The following MIA2 variants were observed in gnomAD, a reference collection of about 807,000 sequenced individuals.
The protein encoded by MIA2 is MIA SH3 domain ER export factor 2, also known as melanoma inhibitory activity protein 2.
In MIA2, 127 loss-of-function variants were observed where a neutral mutation model predicts 167.8. The ratio of observed to expected loss-of-function variants is 0.76; its 90% CI spans 0.66 to 0.88. MIA2 has a LOEUF of 0.88. Ranked by LOEUF, MIA2 falls within the 40% of genes least tolerant of loss-of-function variation. The pLI, the probability that MIA2 is intolerant of heterozygous loss-of-function variation, is 0.00. For missense variants in MIA2, 1,690 were observed against 1,624.7 expected (o/e 1.04, Z -0.69); for synonymous variants, 552 against 541.9 (o/e 1.02, Z -0.26).
intron 19 of MIA2, among the ~76,000 whole-genome samples, chr14:39,313,678 T>C (rs1482368786): frequency 6.6e-6 from 1 of 152,194 alleles, no homozygotes; most frequent in Non-Finnish European, 1.5e-5. Flanking sequence ...TTGTGTGATT[T>C]TTAAAATCTC....
chr14:39,252,608 G>C, intron 4 of MIA2, 140 bp from the exon 5 acceptor site: 1 of 619,124 alleles, frequency 1.6e-6, no homozygotes, highest in South Asian at 2.0e-5. Context: ...TACAATTTAT[G>C]TTTTAGTGTG....
chr14:39,349,003 A>T, intron 28 of MIA2, 26 bp downstream of exon 28: 1 of 1,587,792 alleles, frequency 6.3e-7, no homozygotes, highest in Non-Finnish European at 8.6e-7. Context: ...CTTTTTTTTT[A>T]AAGCTCAATA....
intron 25 of MIA2, among the ~76,000 whole-genome samples, chr14:39,332,858 C>G (rs773874868): frequency 1.8e-4 from 27 of 152,036 alleles, no homozygotes; most frequent in African/African-American, 3.6e-4. Flanking sequence ...CGGAGCTGTT[C>G]CTATTTCGAC....
rs575576218 is a variant in MIA2 at position 39,304,612 on chromosome 14, T to A, written c.2878+231T>A. Among the ~76,000 whole-genome samples, 460 of 152,256 alleles carry A rather than the reference T, an allele frequency of 3.0e-3. 2 individuals are homozygous for A. The highest frequency in any genetic ancestry group is 5.7e-3 in the African/African-American group (235 of 41,570). ...GTGAAGTTAAAATAAGGAAATTTTT[T>A]AAAAAACATGTAAAACCGTATTTAT... is the stretch of plus-strand genomic sequence containing the variant. On this transcript the variant is annotated intron_variant, in intron 17 of 28. Transcript: ENST00000640607.
In MIA2 at chr14:39,247,406, C is replaced by G. The variant is rs921906573; in HGVS notation, c.832C>G (p.Gln278Glu). 6.2e-7 allele frequency: 1 copy of G among 1,614,046 alleles called. No homozygotes were observed. Among genetic ancestry groups the G allele is most frequent in the Non-Finnish European group, 8.5e-7 (1 of 1,180,014 alleles). Residue 278 changes from glutamine (Q) to glutamate (E), a missense_variant, in exon 4 of 29, where the codon CAA becomes GAA. By Grantham distance (29) the Gln-to-Glu change is conservative. Transcript: ENST00000640607. ...NNGEPQTEHQ[Q>E]ESESEIDSVP... ...TGGTGAGCCTCAAACAGAACATCAG[C>G]AAGAATCTGAATCAGAAATTGATTC... is the stretch of plus-strand genomic sequence containing the variant.
chr14:39,325,173 A>G (rs1397553968), intron 24 of MIA2, among the ~76,000 whole-genome samples: 1 of 151,850 alleles, frequency 6.6e-6, no homozygotes, highest in Non-Finnish European at 1.5e-5. Context: ...CAGTGAGCTG[A>G]GAATCGCACC....
At chr14:39,264,180 A>T (rs1398165181) in intron 6 of MIA2, among the ~76,000 whole-genome samples, 1 of 152,156 alleles carries the variant, frequency 6.6e-6, no homozygotes, top group Non-Finnish European at 1.5e-5. Flanking sequence ...GCTGCCACTT[A>T]TAAGTGAGAA....
intron 25 of MIA2, among the ~76,000 whole-genome samples, chr14:39,330,935 T>C (rs1048541078): frequency 6.6e-6 from 1 of 152,174 alleles, no homozygotes; most frequent in African/African-American, 2.4e-5. Context: ...ATGTATATTT[T>C]GTTGATTTGG....
At chr14:39,293,871 C>G in intron 11 of MIA2, 129 bp from the exon 12 acceptor site, 2 of 696,666 alleles carry the variant, frequency 2.9e-6, no homozygotes, top group Non-Finnish European at 5.0e-6. Flanking sequence ...GCTAAATAAA[C>G]TGAGAAGGTT....
At chr14:39,335,160 T>TGTAA (rs1343861008) in intron 25 of MIA2, among the ~76,000 whole-genome samples, 1 of 152,192 alleles carries the variant, frequency 6.6e-6, no homozygotes, top group African/African-American at 2.4e-5. Context: ...CTCTCTTTTA[T>TGTAA]GTAAGGTTGA....
Position 39,300,951 on chromosome 14 carries a change from CACAT to C in MIA2, c.2619+971_2619+974del, listed in dbSNP as rs1443588021. On this transcript the variant is annotated intron_variant, in intron 14 of 28. Coordinates refer to ENST00000640607, the MANE Select transcript of MIA2 (RefSeq NM_001329214.4). ...ATACACACACATATATACATATATA[CACAT>C]ACATATACACATATATACACATATA... Among the ~76,000 whole-genome samples the C allele has an allele frequency of 9.9e-4, 3 of 3,028 alleles. No homozygotes were observed. The East Asian group carries it at 0.12, about 116-fold the overall frequency. The allele number at this position is 3,028 out of a possible 152,430, so 2.0% of individuals were successfully genotyped here. A position where few individuals can be genotyped will look rare whatever the true frequency, so the allele number is the denominator to read the frequency against.
In MIA2 at chr14:39,314,806, A is replaced by ATGTGTG. The variant is rs539446066; in HGVS notation, c.3180+8_3180+9insGTGTGT. 67,073 of 1,304,680 alleles carry ATGTGTG rather than the reference A, an allele frequency of 0.051. 6,026 individuals carry two copies. Among genetic ancestry groups the ATGTGTG allele is most frequent in the Admixed American group, 0.11 (4,985 of 43,972 alleles). The allele number at this position is 1,304,680 out of a possible 1,614,324, so 80.8% of individuals were successfully genotyped here. A position where few individuals can be genotyped will look rare whatever the true frequency, so the allele number is the denominator to read the frequency against. ...TCATTCTTATCAAGGGCAGGTATATATATATGTGTGTGTGTGTGTGTGTGT... is the reference window on the plus strand; with the variant it reads ...TCATTCTTATCAAGGGCAGGTATATATGTGTGTATATGTGTGTGTGTGTGTGTGTGT... On this transcript the variant is annotated splice_region_variant and intron_variant, in intron 20 of 28. Transcript: ENST00000640607.
Position 39,326,900 on chromosome 14 carries a change from T to G in MIA2, c.3533T>G (p.Ile1178Ser). The change falls in exon 25 of 29, where the codon ATT becomes AGT. Residue 1178 changes from isoleucine (I) to serine (S), a missense_variant. Coordinates refer to ENST00000640607, the MANE Select transcript of MIA2 (RefSeq NM_001329214.4). ...CCAGGGAATCCTCTGGACCATCAGA[T>G]TACCAATGAAAGAGGAGAATCAAGC... ...RGPGNPLDHQ[I>S]TNERGESSCD... 1 of 1,596,776 alleles carries G rather than the reference T, an allele frequency of 6.3e-7. No individual in the cohort carries two copies. The highest frequency in any genetic ancestry group is 8.5e-7 in the Non-Finnish European group (1 of 1,172,886).
chr14:39,381,816 AAAAC>A (rs1299937245), intron 23 of MIA2, among the ~76,000 whole-genome samples: 11 of 151,908 alleles, frequency 7.2e-5, no homozygotes, highest in African/African-American at 2.2e-4. Context: ...TGAAAAAACA[AAAAC>A]AAAAAAACCA....
intron 25 of MIA2, among the ~76,000 whole-genome samples, chr14:39,342,790 C>T (rs2072277437): frequency 6.6e-6 from 1 of 152,128 alleles, no homozygotes; most frequent in Non-Finnish European, 1.5e-5. Context: ...TATTACCTTC[C>T]TCTCCTAGAA....
intron 24 of MIA2, among the ~76,000 whole-genome samples, chr14:39,326,492 A>G (rs2067574565): frequency 6.6e-6 from 1 of 152,072 alleles, no homozygotes; most frequent in Non-Finnish European, 1.5e-5. Flanking sequence ...TAGTAGCAAA[A>G]TTAGTAGAAT....
chr14:39,281,501 T>C (rs989370796), intron 9 of MIA2, among the ~76,000 whole-genome samples: 1 of 152,158 alleles, frequency 6.6e-6, no homozygotes, highest in African/African-American at 2.4e-5. Context: ...ATCTCTTGCC[T>C]TTTTCAGTTC....
intron 14 of MIA2, among the ~76,000 whole-genome samples, chr14:39,301,263 C>T (rs2062447135): frequency 6.6e-6 from 1 of 152,076 alleles, no homozygotes; most frequent in Non-Finnish European, 1.5e-5. Flanking sequence ...GCGGTTTCAC[C>T]ATTTTGGCCA....
At chr14:39,334,804 G>A (rs1345953316) in intron 25 of MIA2, among the ~76,000 whole-genome samples, 1 of 152,158 alleles carries the variant, frequency 6.6e-6, no homozygotes, top group Non-Finnish European at 1.5e-5. Context: ...CTGACCTCAG[G>A]TGATCCACCT....
Sources: allele counts gnomAD v4.1 joint callset (sites outside exome capture counted in the v4.1 genomes callset), GRCh38; gene constraint gnomAD v4.1.1; transcripts MANE v1.5; gene names NCBI Gene and HGNC (gene_info 2026-07-23, HGNC 2026-07-21).